The following DYNC2LI1 variants were observed in gnomAD, a reference collection of about 807,000 sequenced individuals.
DYNC2LI1 encodes the protein dynein cytoplasmic 2 light intermediate chain 1, also known as cytoplasmic dynein 2 light intermediate chain 1.
DYNC2LI1 carries 45 observed loss-of-function variants against 51.9 expected under a neutral mutation model. The ratio of observed to expected loss-of-function variants is 0.87; its 90% CI spans 0.68 to 1.11. DYNC2LI1 has a LOEUF of 1.11. Ranked by LOEUF, DYNC2LI1 falls within the 50% of genes most tolerant of loss-of-function variation. The pLI, the probability that DYNC2LI1 is intolerant of heterozygous loss-of-function variation, is 0.00. For missense variants in DYNC2LI1, 490 were observed against 417.4 expected, an observed-to-expected ratio of 1.17 and a Z score of -1.51; for synonymous variants, 130 against 137.8, an observed-to-expected ratio of 0.94 and a Z score of 0.40.
chr2:43,783,629 A>G (rs1673392121), intron 3 of DYNC2LI1, 75 bp downstream of exon 3: 2 of 956,934 alleles, frequency 2.1e-6, no homozygotes, highest in South Asian at 2.2e-5. Context: ...TCTAAAAGAC[A>G]TAAGGAAGGG....
intron 12 of DYNC2LI1, among the ~76,000 whole-genome samples, chr2:43,808,964 TACACACACACACAC>T (rs56090427): frequency 2.1e-5 from 3 of 145,466 alleles, no homozygotes; most frequent in Non-Finnish European, 3.0e-5. Context: ...GGACAAAGGA[TACACACACACACAC>T]ACACACACAC....
downstream of DYNC2LI1, among the ~76,000 whole-genome samples, chr2:43,812,079 C>G (rs529412704): frequency 2.0e-5 from 3 of 151,918 alleles, no homozygotes; most frequent in East Asian, 3.9e-4. Flanking sequence ...GGGTCTTGCT[C>G]TGTCTCTGTT....
At chr2:43,807,735 T>A (rs1666316730) in intron 12 of DYNC2LI1, among the ~76,000 whole-genome samples, 1 of 140,472 alleles carries the variant, frequency 7.1e-6, no homozygotes, top group Admixed American at 7.3e-5. Flanking sequence ...CTATTATTTT[T>A]GTTAAAGCAA....
the DYNC2LI1 span, chr2:43,823,085 T>G: frequency 9.9e-7 from 1 of 1,006,366 alleles, no homozygotes; most frequent in African/African-American, 1.6e-5. Context: ...GGACCTGCCA[T>G]CCACAGGACA....
the DYNC2LI1 span, among the ~76,000 whole-genome samples, chr2:43,820,470 A>G: frequency 6.6e-6 from 1 of 151,510 alleles, no homozygotes; most frequent in Non-Finnish European, 1.5e-5. Context: ...ACACCTACCT[A>G]ATGTTAAAGG....
At position 43,802,912 on chromosome 2, in the gene DYNC2LI1, A is replaced by T. The variant is rs553454386; in HGVS notation, c.802+1203A>T. 1.0e-3 allele frequency among the ~76,000 whole-genome samples: 159 copies of T among 152,324 alleles called. No homozygotes were observed. In the South Asian group the frequency reaches 0.011, roughly 10 times the overall value. On this transcript the variant is annotated intron_variant, in intron 10 of 12. Coordinates refer to ENST00000260605, the MANE Select transcript of DYNC2LI1 (RefSeq NM_016008.4). Reference sequence around the variant, plus strand: ...CATAAACATAGCAAAGCAGCACATGAAAAGGTGTTTAATATCATTAGTTGT... The same window carrying T: ...CATAAACATAGCAAAGCAGCACATGTAAAGGTGTTTAATATCATTAGTTGT...
At chr2:43,823,837 AC>A in the DYNC2LI1 span, 41 of 1,532,464 alleles carry the variant, frequency 2.7e-5, no homozygotes, top group Non-Finnish European at 3.5e-5. Flanking sequence ...ATAATGGTAG[AC>A]TTTTGTAAGG....
chr2:43,823,229 T>C, the DYNC2LI1 span, among the ~76,000 whole-genome samples: 1 of 152,176 alleles, frequency 6.6e-6, no homozygotes, highest in Non-Finnish European at 1.5e-5. Context: ...GGGGCATGAA[T>C]AAGTGATTTG....
chr2:43,799,795 C>T (rs1666016305), intron 8 of DYNC2LI1, among the ~76,000 whole-genome samples: 1 of 152,142 alleles, frequency 6.6e-6, no homozygotes, highest in Admixed American at 6.5e-5. Context: ...TAAAATTAAA[C>T]AGAGCAGTTA....
At chr2:43,819,221 T>C in the DYNC2LI1 span, among the ~76,000 whole-genome samples, 1 of 152,310 alleles carries the variant, frequency 6.6e-6, no homozygotes, top group Non-Finnish European at 1.5e-5. Context: ...ACCACCTGCC[T>C]GGGATCATTT....
chr2:43,824,367 T>C, the DYNC2LI1 span: 1 of 1,614,230 alleles, frequency 6.2e-7, no homozygotes, highest in African/African-American at 1.3e-5. Context: ...GATTCTATCA[T>C]CTGGACTCTC....
the DYNC2LI1 span, chr2:43,822,423 C>G: frequency 1.3e-6 from 1 of 747,046 alleles, no homozygotes; most frequent in Non-Finnish European, 1.6e-6. Flanking sequence ...TTCCCACCCT[C>G]TGAATGTGTC....
intron 12 of DYNC2LI1, among the ~76,000 whole-genome samples, chr2:43,806,632 CTGT>C (rs750028983): frequency 7.9e-5 from 12 of 152,238 alleles, no homozygotes; most frequent in South Asian, 4.1e-4. Flanking sequence ...CAATGATTAA[CTGT>C]TGTTGTTGAT....
intron 2 of DYNC2LI1, among the ~76,000 whole-genome samples, chr2:43,779,665 C>G (rs1238206977): frequency 2.0e-5 from 3 of 152,108 alleles, no homozygotes; most frequent in Non-Finnish European, 4.4e-5. Context: ...ATGGCTAAAG[C>G]TTGAAGGTGA....
the DYNC2LI1 span, chr2:43,822,470 T>TGCCC: frequency 2.8e-6 from 1 of 354,564 alleles, no homozygotes. Context: ...CTTTCTCCCC[T>TGCCC]CCCCCAGGCC....
the DYNC2LI1 span, among the ~76,000 whole-genome samples, chr2:43,815,910 G>GAAAAAAAAAAAAAAAAA: frequency 1.9e-5 from 2 of 104,056 alleles, no homozygotes; most frequent in Non-Finnish European, 4.2e-5. Flanking sequence ...AACAGGAAAA[G>GAAAAAAAAAAAAAAAAA]AAAAAAAAAA....
At chr2:43,801,904 G>A (rs1666090243) in intron 10 of DYNC2LI1, among the ~76,000 whole-genome samples, 195 bp downstream of exon 10, 2 of 152,096 alleles carry the variant, frequency 1.3e-5, no homozygotes, top group African/African-American at 4.8e-5. Flanking sequence ...TGGAAGTGAT[G>A]TCACCACATA....
chr2:43,809,002 T>G (rs567584192), intron 12 of DYNC2LI1, among the ~76,000 whole-genome samples: 2 of 148,206 alleles, frequency 1.3e-5, no homozygotes, highest in Non-Finnish European at 3.0e-5. Context: ...CACACACACT[T>G]TTTTGTGACA....
chr2:43,801,750 G>C, intron 10 of DYNC2LI1, 41 bp downstream of exon 10: 1 of 1,484,434 alleles, frequency 6.7e-7, no homozygotes, highest in Non-Finnish European at 9.3e-7. Flanking sequence ...TTTTTTAATT[G>C]CTTATTGATT....
Sources: allele counts gnomAD v4.1 joint callset (sites outside exome capture counted in the v4.1 genomes callset), GRCh38; gene constraint gnomAD v4.1.1; transcripts MANE v1.5; gene names NCBI Gene and HGNC (gene_info 2026-07-23, HGNC 2026-07-21).